The following ROBO1 variants were observed in gnomAD, a reference collection of about 807,000 sequenced individuals.
ROBO1 encodes roundabout guidance receptor 1.
In ROBO1, 149 loss-of-function variants were observed where a neutral mutation model predicts 195.9. The ratio of observed to expected loss-of-function variants is 0.76; its 90% CI spans 0.67 to 0.87. The LOEUF is 0.87. Ranked by LOEUF, ROBO1 falls within the 40% of genes least tolerant of loss-of-function variation. The pLI is 0.00. For missense variants in ROBO1, 1,933 were observed against 2,068.3 expected (o/e 0.93, Z 1.27); for synonymous variants, 816 against 733.2 (o/e 1.11, Z -1.82).
At chr3:78,984,429 A>G (rs922457224) in intron 3 of ROBO1, among the ~76,000 whole-genome samples, 25 of 152,214 alleles carry the variant, frequency 1.6e-4, no homozygotes, top group African/African-American at 5.5e-4. Context: ...AGTTTGTTTC[A>G]ATAAACATCA....
intron 22 of ROBO1, 75 bp downstream of exon 22, chr3:78,639,669 G>A: frequency 5.9e-6 from 8 of 1,366,260 alleles, no homozygotes; most frequent in Middle Eastern, 2.1e-4. Flanking sequence ...CCCATGTAGG[G>A]AGAGGGAAAG....
intron 4 of ROBO1, among the ~76,000 whole-genome samples, chr3:78,831,976 A>G (rs2032259259): frequency 6.6e-6 from 1 of 152,218 alleles, no homozygotes; most frequent in Non-Finnish European, 1.5e-5. Context: ...ACAATTCAAT[A>G]TGAGATTCAG....
intron 1 of ROBO1, among the ~76,000 whole-genome samples, chr3:79,592,269 C>T (rs1433424626): frequency 6.6e-6 from 1 of 151,836 alleles, no homozygotes; most frequent in Non-Finnish European, 1.5e-5. Flanking sequence ...AGTAGAAACA[C>T]TTATTATAAT....
chr3:79,548,786 C>T (rs1168978707), intron 2 of ROBO1, among the ~76,000 whole-genome samples: 2 of 152,126 alleles, frequency 1.3e-5, no homozygotes, highest in Non-Finnish European at 1.5e-5. Flanking sequence ...GGAGAAGTGA[C>T]CAATGATAGA....
intron 2 of ROBO1, among the ~76,000 whole-genome samples, chr3:79,381,221 G>T (rs1307994521): frequency 6.6e-6 from 1 of 151,840 alleles, no homozygotes; most frequent in African/African-American, 2.4e-5. Flanking sequence ...TCTGGGCGTG[G>T]AGGCAGGTGC....
intron 2 of ROBO1, among the ~76,000 whole-genome samples, chr3:79,188,262 T>C (rs2081476724): frequency 6.6e-6 from 1 of 151,896 alleles, no homozygotes; most frequent in Admixed American, 6.6e-5. Context: ...TATGTGTGAG[T>C]CCTTAATGTG....
At chr3:79,767,218 G>A (rs1705046274) in intron 1 of ROBO1, among the ~76,000 whole-genome samples, 1 of 152,102 alleles carries the variant, frequency 6.6e-6, no homozygotes, top group Admixed American at 6.5e-5. Context: ...GCCTGCCCGT[G>A]TCTATGCCTC....
At chr3:79,098,955 T>A (rs755541367) in intron 3 of ROBO1, among the ~76,000 whole-genome samples, 2 of 151,706 alleles carry the variant, frequency 1.3e-5, no homozygotes, top group African/African-American at 2.4e-5. Context: ...TAATGGGTGA[T>A]CAATGTATTA....
rs749634778 is a variant in ROBO1 at position 78,714,534 on chromosome 3, T to C, written c.918-10A>G. The C allele has an allele frequency of 1.1e-5, 17 of 1,607,082 alleles. No individual in the cohort carries two copies. Among genetic ancestry groups the C allele is most frequent in the East Asian group, 2.2e-5 (1 of 44,726 alleles). On this transcript the variant is annotated splice_polypyrimidine_tract_variant and intron_variant, in intron 7 of 30. Coordinates refer to ENST00000464233, the MANE Select transcript of ROBO1 (RefSeq NM_002941.4). ...ATCTCGGATTTCATATCTAATGACA[T>C]AACAAAAGAAAGCACAGTTAAGTGA...
chr3:79,521,505 A>T (rs1315494951), intron 2 of ROBO1, among the ~76,000 whole-genome samples: 2 of 152,314 alleles, frequency 1.3e-5, no homozygotes, highest in Middle Eastern at 3.4e-3. Flanking sequence ...CAGATGAAAA[A>T]TGCTATAATA....
chr3:78,832,310 T>G (rs994864986), intron 4 of ROBO1, among the ~76,000 whole-genome samples: 2 of 152,178 alleles, frequency 1.3e-5, no homozygotes, highest in Non-Finnish European at 2.9e-5. Flanking sequence ...TCAAAATATT[T>G]TCCTTGATTC....
intron 2 of ROBO1, among the ~76,000 whole-genome samples, chr3:79,484,753 A>ATATTTTTTTTTTTTT: frequency 5.7e-5 from 1 of 17,698 alleles, no homozygotes; most frequent in Admixed American, 7.0e-4. Flanking sequence ...TCATTGCACT[A>ATATTTTTTTTTTTTT]TCTTTTTTTT....
At chr3:79,750,287 T>C (rs1704076335) in intron 1 of ROBO1, among the ~76,000 whole-genome samples, 1 of 152,252 alleles carries the variant, frequency 6.6e-6, no homozygotes. Flanking sequence ...ATCTAGGAAG[T>C]AACTAACTTG....
chr3:78,932,217 T>C (rs1054074242), intron 4 of ROBO1, among the ~76,000 whole-genome samples: 1 of 152,168 alleles, frequency 6.6e-6, no homozygotes, highest in African/African-American at 2.4e-5. Flanking sequence ...CAGATGCACC[T>C]TCTCATTTTA....
intron 3 of ROBO1, among the ~76,000 whole-genome samples, chr3:79,000,758 A>C (rs1268684154): frequency 6.6e-6 from 1 of 152,206 alleles, no homozygotes; most frequent in African/African-American, 2.4e-5. Flanking sequence ...TGACCCAGCC[A>C]TCCCATTACT....
At chr3:78,776,006 C>T (rs1357669995) in intron 4 of ROBO1, among the ~76,000 whole-genome samples, 1 of 152,144 alleles carries the variant, frequency 6.6e-6, no homozygotes, top group Non-Finnish European at 1.5e-5. Flanking sequence ...AAATATAAAG[C>T]ATGCCTATGG....
chr3:78,925,924 A>T (rs2039189650), intron 4 of ROBO1, among the ~76,000 whole-genome samples: 1 of 151,798 alleles, frequency 6.6e-6, no homozygotes, highest in African/African-American at 2.4e-5. Flanking sequence ...AGGCTGGAGT[A>T]CAATGGCGCC....
At chr3:79,633,865 A>C (rs557697813) in intron 1 of ROBO1, among the ~76,000 whole-genome samples, 1 of 152,236 alleles carries the variant, frequency 6.6e-6, no homozygotes, top group African/African-American at 2.4e-5. Flanking sequence ...AGCTGTGTCC[A>C]TCTCTGTGGT....
rs74774666 is a variant in ROBO1 at position 79,722,100 on chromosome 3, A to G, written c.-51+45652T>C. Among the ~76,000 whole-genome samples the G allele has an allele frequency of 5.3e-3, 803 of 152,350 alleles. 7 individuals carry two copies. The highest frequency in any genetic ancestry group is 0.019 in the African/African-American group (771 of 41,590). On this transcript the variant is annotated intron_variant, in intron 1 of 30. Transcript: ENST00000464233. ...TTATTGTTTTTCATTGGGAAAAGGT[A>G]CTACAGGAAACAGACTTTAAAAGTA...
Sources: allele counts gnomAD v4.1 joint callset (sites outside exome capture counted in the v4.1 genomes callset), GRCh38; gene constraint gnomAD v4.1.1; transcripts MANE v1.5; gene names NCBI Gene and HGNC (gene_info 2026-07-23, HGNC 2026-07-21).